The following FAM118B variants were observed in gnomAD, a reference collection of about 807,000 sequenced individuals.
FAM118B encodes protein FAM118B.
Under a neutral mutation model 38.5 loss-of-function variants are expected in FAM118B, and 24 were observed. The observed-to-expected ratio is 0.62, with a 90% CI of 0.45 to 0.88. FAM118B has a LOEUF of 0.88. FAM118B is among the 40% of genes least tolerant of loss of function. FAM118B has a pLI of 0.00. For missense variants in FAM118B, 334 were observed against 420.0 expected (o/e 0.80, Z 1.79); for synonymous variants, 138 against 156.3 (o/e 0.88, Z 0.87).
chr11:126,259,393 A>G (rs1358849079), intron 7 of FAM118B, among the ~76,000 whole-genome samples: 3 of 151,798 alleles, frequency 2.0e-5, no homozygotes, highest in Non-Finnish European at 4.4e-5. Context: ...TAATTCTTAT[A>G]ATCCATTACC....
intron 1 of FAM118B, among the ~76,000 whole-genome samples, chr11:126,218,899 C>T (rs1259957387): frequency 6.6e-6 from 1 of 152,142 alleles, no homozygotes; most frequent in Non-Finnish European, 1.5e-5. Context: ...TTCTTCATTG[C>T]TCCTGCTGAT....
intron 4 of FAM118B, among the ~76,000 whole-genome samples, chr11:126,242,572 G>A (rs920069580): frequency 6.6e-6 from 1 of 152,230 alleles, no homozygotes; most frequent in Non-Finnish European, 1.5e-5. Flanking sequence ...AAATAACGAT[G>A]TAGTTGAATA....
intron 2 of FAM118B, among the ~76,000 whole-genome samples, chr11:126,232,080 T>G (rs1950213286): frequency 6.6e-6 from 1 of 152,212 alleles, no homozygotes; most frequent in South Asian, 2.1e-4. Context: ...GGCTGAAAAG[T>G]TAATACAGGT....
intron 4 of FAM118B, among the ~76,000 whole-genome samples, chr11:126,241,454 T>C (rs986986961): frequency 3.3e-5 from 5 of 152,222 alleles, no homozygotes; most frequent in Non-Finnish European, 7.3e-5. Flanking sequence ...TTTTTAGAGG[T>C]AATAAGTCAA....
chr11:126,214,514 G>GTTTTTTTTTTTTT (rs71048770), intron 1 of FAM118B: 1 of 41,498 alleles, frequency 2.4e-5, no homozygotes, highest in Non-Finnish European at 5.3e-5. Flanking sequence ...TTTTTTTTTT[G>GTTTTTTTTTTTTT]TTTTTTTTTT....
rs1950476920 is a variant in FAM118B, at chr11:126,250,053, A to C, written c.340-453A>C. On this transcript the variant is annotated intron_variant, in intron 4 of 8. Coordinates refer to ENST00000533050, the MANE Select transcript of FAM118B (RefSeq NM_024556.4). The surrounding 1 kb of genome is among the most constrained non-coding windows in gnomAD (Gnocchi z 5.1). Reference sequence around the variant, plus strand: ...TGGCATGTATCATCTCATCTTCCTTATTACGTTCGTATGAGATAGATAATA... The same window carrying C: ...TGGCATGTATCATCTCATCTTCCTTCTTACGTTCGTATGAGATAGATAATA... Among the ~76,000 whole-genome samples, 1 of 150,796 alleles carries C rather than the reference A, an allele frequency of 6.6e-6. No individual in the cohort carries two copies. Among genetic ancestry groups the C allele is most frequent in the South Asian group, 2.1e-4 (1 of 4,808 alleles).
At chr11:126,212,791 G>A (rs1949904177) in intron 1 of FAM118B, among the ~76,000 whole-genome samples, 1 of 152,214 alleles carries the variant, frequency 6.6e-6, no homozygotes, top group Admixed American at 6.5e-5. Context: ...TTGATCAGGT[G>A]GAGCTACTCA....
At chr11:126,241,693 G>A (rs1950360330) in intron 4 of FAM118B, among the ~76,000 whole-genome samples, 1 of 152,124 alleles carries the variant, frequency 6.6e-6, no homozygotes, top group East Asian at 1.9e-4. Flanking sequence ...GGGATTACAG[G>A]CATGTGCCAC....
At chr11:126,214,526 T>TTTTTTTTTTTTTTTTG (rs1949954100) in intron 1 of FAM118B, 1 of 130,682 alleles carries the variant, frequency 7.7e-6, no homozygotes, top group South Asian at 2.6e-4. Context: ...TTTTTTTTTT[T>TTTTTTTTTTTTTTTTG]TACCTCTATA....
At chr11:126,257,030 C>T (rs1591529399) in intron 7 of FAM118B, among the ~76,000 whole-genome samples, 178 bp downstream of exon 7, 1 of 152,116 alleles carries the variant, frequency 6.6e-6, no homozygotes, top group East Asian at 1.9e-4. Flanking sequence ...TATGGGAAGA[C>T]AGACAAAAAG....
intron 2 of FAM118B, among the ~76,000 whole-genome samples, chr11:126,230,348 T>C (rs1950192641): frequency 6.6e-6 from 1 of 152,228 alleles, no homozygotes; most frequent in Non-Finnish European, 1.5e-5. Flanking sequence ...AATCCGATAG[T>C]TGCTAAAAAC....
At chr11:126,226,044 A>C (rs891086758) in intron 1 of FAM118B, among the ~76,000 whole-genome samples, 1 of 152,220 alleles carries the variant, frequency 6.6e-6, no homozygotes, top group Non-Finnish European at 1.5e-5. Context: ...AATAGTCTAC[A>C]TTCTTCTCAC....
chr11:126,221,051 G>A (rs1950057040), intron 1 of FAM118B, among the ~76,000 whole-genome samples: 1 of 152,136 alleles, frequency 6.6e-6, no homozygotes, highest in African/African-American at 2.4e-5. Flanking sequence ...GCCAAACATG[G>A]TGGCGTGGGC....
chr11:126,261,199 C>T (rs1210462155), intron 7 of FAM118B: 4 of 521,270 alleles, frequency 7.7e-6, no homozygotes, highest in Non-Finnish European at 1.4e-5. Flanking sequence ...TACAAGCAAT[C>T]GTAGTGCACT....
chr11:126,227,716 GGTGCAGCCAA>G (rs2135143243), intron 1 of FAM118B, among the ~76,000 whole-genome samples: 1 of 152,210 alleles, frequency 6.6e-6, no homozygotes, highest in South Asian at 2.1e-4. Context: ...TATTTCACCT[GGTGCAGCCAA>G]GTGAATTCAC....
chr11:126,246,204 G>A (rs1950417898), intron 4 of FAM118B, among the ~76,000 whole-genome samples: 1 of 152,082 alleles, frequency 6.6e-6, no homozygotes, highest in Non-Finnish European at 1.5e-5. Context: ...TTGCGATTAT[G>A]TTTTTGTTTT....
At chr11:126,248,426 A>G (rs1411495332) in intron 4 of FAM118B, among the ~76,000 whole-genome samples, 4 of 114,994 alleles carry the variant, frequency 3.5e-5, no homozygotes, top group Non-Finnish European at 6.5e-5. Flanking sequence ...GCTGGAGTGC[A>G]ATGGTGCGAT....
At chr11:126,237,544 A>T (rs1428200810) in intron 3 of FAM118B, among the ~76,000 whole-genome samples, 5 of 139,626 alleles carry the variant, frequency 3.6e-5, no homozygotes, top group African/African-American at 5.1e-5. Context: ...GGCCAATTTT[A>T]AAAAAATCTA....
At position 126,259,658 on chromosome 11, in the gene FAM118B, C is replaced by G. The variant is rs189023484; in HGVS notation, c.983-1767C>G. On this transcript the variant is annotated intron_variant, in intron 7 of 8. Coordinates refer to ENST00000533050, the MANE Select transcript of FAM118B (RefSeq NM_024556.4). ...GCCAGGATGGTCTCGGTCTCCTGAC[C>G]TCATGATCCACCCGCCCTGGCCTCC... Among the ~76,000 whole-genome samples the G allele has an allele frequency of 2.0e-3, 302 of 151,722 alleles. 1 individual carries two copies. The highest frequency in any genetic ancestry group is 0.014 in the Admixed American group (219 of 15,242).
Sources: allele counts gnomAD v4.1 joint callset (sites outside exome capture counted in the v4.1 genomes callset), GRCh38; gene constraint gnomAD v4.1.1; non-coding constraint Gnocchi (gnomAD v3.1); transcripts MANE v1.5; gene names NCBI Gene and HGNC (gene_info 2026-07-23, HGNC 2026-07-21).